The following ZFAT variants were observed in gnomAD, a reference collection of about 807,000 sequenced individuals.
ZFAT encodes zinc finger protein ZFAT.
ZFAT carries 64 observed loss-of-function variants against 117.7 expected under a neutral mutation model. The observed-to-expected ratio is 0.54, with a 90% CI of 0.44 to 0.67. The LOEUF (loss-of-function observed/expected upper bound fraction) is 0.67, where lower values mean the gene tolerates loss of function less well. ZFAT is among the 30% of genes least tolerant of loss of function. The pLI, the probability that ZFAT is intolerant of heterozygous loss-of-function variation, is 0.00. For missense variants in ZFAT, 1,433 were observed against 1,584.5 expected, an observed-to-expected ratio of 0.90 and a Z score of 1.62; for synonymous variants, 679 against 615.0, an observed-to-expected ratio of 1.10 and a Z score of -1.54.
intron 3 of ZFAT, among the ~76,000 whole-genome samples, chr8:134,612,980 A>G (rs1828451488): frequency 6.6e-6 from 1 of 152,224 alleles, no homozygotes; most frequent in South Asian, 2.1e-4. Context: ...AACATTTCAA[A>G]AGGTCTACAA....
intron 11 of ZFAT, among the ~76,000 whole-genome samples, chr8:134,561,762 T>TA (rs1410861928): frequency 6.6e-6 from 1 of 152,262 alleles, no homozygotes; most frequent in African/African-American, 2.4e-5. Flanking sequence ...CTAAGATTAG[T>TA]AAAAAAAGCG....
chr8:134,490,583 G>C (rs1817982084), intron 15 of ZFAT, among the ~76,000 whole-genome samples: 1 of 152,244 alleles, frequency 6.6e-6, no homozygotes, highest in Non-Finnish European at 1.5e-5. Flanking sequence ...GGTTCTGGCA[G>C]GGGCCAGAGC....
intron 15 of ZFAT, among the ~76,000 whole-genome samples, chr8:134,486,119 C>T (rs1817637818): frequency 6.6e-6 from 1 of 152,196 alleles, no homozygotes; most frequent in Non-Finnish European, 1.5e-5. Flanking sequence ...CCCGTTGGCC[C>T]TAAAATGAAA....
the ZFAT span, among the ~76,000 whole-genome samples, chr8:134,782,789 C>T: frequency 7.7e-6 from 1 of 129,546 alleles, no homozygotes; most frequent in Non-Finnish European, 1.5e-5. Context: ...ACCTCTTTTT[C>T]TTTATAAATT....
rs757926709 is a variant in ZFAT, at chr8:134,620,708, C to A, written c.449-10053G>T. The stretch of plus-strand genomic sequence containing the variant: ...CAAAGACCCCCAGCTGAAATCCAAG[C>A]CCCCTAGCTGATGCTGACGGGGAAT... On this transcript the variant is annotated intron_variant, in intron 3 of 15. Transcript: ENST00000377838. 3.9e-4 allele frequency among the ~76,000 whole-genome samples: 60 copies of A among 152,200 alleles called. 2 individuals carry two copies. The highest frequency in any genetic ancestry group is 1.5e-5 in the Non-Finnish European group (1 of 68,038).
chr8:134,568,167 C>G (rs1476746132), intron 10 of ZFAT, among the ~76,000 whole-genome samples: 4 of 152,196 alleles, frequency 2.6e-5, no homozygotes. Flanking sequence ...CAAAAGGAAA[C>G]AAATATTAAT....
chr8:134,700,889 G>C (rs572490583), intron 1 of ZFAT, among the ~76,000 whole-genome samples: 2 of 152,044 alleles, frequency 1.3e-5, no homozygotes, highest in Non-Finnish European at 2.9e-5. Flanking sequence ...AGTTCAAATC[G>C]AGAGACAGGG....
intron 3 of ZFAT, among the ~76,000 whole-genome samples, chr8:134,624,706 T>C (rs1829379488): frequency 6.6e-6 from 1 of 152,308 alleles, no homozygotes; most frequent in South Asian, 2.1e-4. Flanking sequence ...ACACTCTTAG[T>C]GCAGGATTTG....
intron 2 of ZFAT, among the ~76,000 whole-genome samples, chr8:134,643,011 T>C (rs1271699288): frequency 6.6e-6 from 1 of 152,244 alleles, no homozygotes; most frequent in Non-Finnish European, 1.5e-5. Context: ...GCTTGCTCCT[T>C]GTACTTTTAC....
chr8:134,794,148 C>CA, the ZFAT span: 1 of 152,228 alleles, frequency 6.6e-6, no homozygotes, highest in African/African-American at 2.4e-5. Context: ...TATCTCAAAT[C>CA]ACATGCCAAC....
intron 1 of ZFAT, among the ~76,000 whole-genome samples, chr8:134,690,285 A>G (rs1833526297): frequency 6.6e-6 from 1 of 152,260 alleles, no homozygotes; most frequent in Non-Finnish European, 1.5e-5. Flanking sequence ...ACAAAGAATT[A>G]GCAGACTTAG....
Position 134,545,505 on chromosome 8 carries a change from T to TG in ZFAT, c.2977-12534_2977-12533insC, listed in dbSNP as rs1278610181. On this transcript the variant is annotated intron_variant, in intron 11 of 15. Transcript: ENST00000377838. ...CTCTGTCTCTACAAAAAGTAATAAA[T>TG]TAAAAAAATGAGACATGGTTTAGAG... Among the ~76,000 whole-genome samples, 6 of 152,068 alleles carry TG rather than the reference T, an allele frequency of 3.9e-5. No homozygotes were observed. In the East Asian group the frequency reaches 9.7e-4, roughly 25 times the overall value.
the ZFAT span, among the ~76,000 whole-genome samples, chr8:134,731,328 G>A: frequency 6.6e-6 from 1 of 152,216 alleles, no homozygotes; most frequent in South Asian, 2.1e-4. Flanking sequence ...AGCCCCAAGT[G>A]AGAAACTACC....
chr8:134,522,007 T>A (rs917689426), intron 12 of ZFAT, among the ~76,000 whole-genome samples: 1 of 152,216 alleles, frequency 6.6e-6, no homozygotes, highest in African/African-American at 2.4e-5. Context: ...ACATGGTCTC[T>A]CCTCTATGCC....
At chr8:134,559,673 G>A (rs6986489) in intron 11 of ZFAT, among the ~76,000 whole-genome samples, 90,669 of 152,090 alleles carry the variant, frequency 0.6, 27,617 homozygotes, top group East Asian at 0.91. Flanking sequence ...TGTTCCTCAT[G>A]GCCTCATCAA....
chr8:134,578,894 G>A (rs536753906), intron 10 of ZFAT, among the ~76,000 whole-genome samples: 1 of 152,206 alleles, frequency 6.6e-6, no homozygotes, highest in East Asian at 1.9e-4. Flanking sequence ...CCAAGATGGG[G>A]TACAGCAGGG....
intron 11 of ZFAT, among the ~76,000 whole-genome samples, chr8:134,549,442 GAAAAA>G (rs34384490): frequency 1.7e-5 from 2 of 119,410 alleles, no homozygotes; most frequent in African/African-American, 3.2e-5. Context: ...CTCCGTCTCA[GAAAAA>G]AAAAAAAAAA....
At chr8:134,599,755 A>G (rs904461252) in intron 7 of ZFAT, 2 of 455,950 alleles carry the variant, frequency 4.4e-6, no homozygotes, top group African/African-American at 4.0e-5. Context: ...CTTCCTTTAT[A>G]ACTTGAAGAA....
At chr8:134,693,631 G>A (rs147301106) in intron 1 of ZFAT, among the ~76,000 whole-genome samples, 1 of 151,840 alleles carries the variant, frequency 6.6e-6, no homozygotes, top group East Asian at 1.9e-4. Flanking sequence ...CGGGGCGCGG[G>A]GGGTGGGAGA....
Sources: gnomAD v4.1 joint callset for allele counts (sites outside exome capture counted in the v4.1 genomes callset) on GRCh38, gnomAD v4.1.1 for gene constraint, MANE v1.5 for transcripts, NCBI Gene and HGNC (gene_info 2026-07-23, HGNC 2026-07-21) for gene names.